Variants in TBC1D9 observed in about 807,000 individuals in gnomAD.
The protein encoded by TBC1D9 is TBC1 domain family member 9.
TBC1D9 carries 63 observed loss-of-function variants against 132.0 expected under a neutral mutation model. The ratio of observed to expected loss-of-function variants is 0.48; its 90% CI spans 0.39 to 0.59. TBC1D9 has a LOEUF of 0.59. Among genes scored for constraint, TBC1D9 ranks in the 20% least tolerant of loss-of-function variants. TBC1D9 has a pLI of 0.00. For synonymous variants in TBC1D9, 610 were observed against 609.9 expected, an observed-to-expected ratio of 1.00 and a Z score of 0.00; for missense variants, 1,261 against 1,592.7, an observed-to-expected ratio of 0.79 and a Z score of 3.54.
chr4:140,661,635 C>T (rs1227568305), intron 10 of TBC1D9, among the ~76,000 whole-genome samples: 1 of 152,176 alleles, frequency 6.6e-6, no homozygotes, highest in Non-Finnish European at 1.5e-5. Flanking sequence ...TATCTAGAGA[C>T]ATTTTTGGTT....
At chr4:140,700,271 G>C (rs1272320208) in intron 2 of TBC1D9, among the ~76,000 whole-genome samples, 1 of 152,044 alleles carries the variant, frequency 6.6e-6, no homozygotes, top group Non-Finnish European at 1.5e-5. Flanking sequence ...CCAACATGGT[G>C]AAACCTCGTC....
intron 2 of TBC1D9, among the ~76,000 whole-genome samples, chr4:140,687,772 G>C (rs1402712805): frequency 6.6e-6 from 1 of 152,068 alleles, no homozygotes; most frequent in African/African-American, 2.4e-5. Flanking sequence ...GCCTACAAGG[G>C]ATGCTTATGT....
chr4:140,635,092 G>C (rs1468213224), intron 15 of TBC1D9, among the ~76,000 whole-genome samples: 1 of 152,000 alleles, frequency 6.6e-6, no homozygotes, highest in African/African-American at 2.4e-5. Flanking sequence ...GAGAAAGGAG[G>C]AGCATAAAAA....
At chr4:140,639,540 A>G in intron 13 of TBC1D9, 112 bp from the exon 14 acceptor site, 1 of 731,462 alleles carries the variant, frequency 1.4e-6, no homozygotes, top group Admixed American at 2.2e-5. Flanking sequence ...GACTTCTCAT[A>G]TGATGGGCAT....
At chr4:140,640,862 A>AC (rs1008646356) in intron 13 of TBC1D9, among the ~76,000 whole-genome samples, 3 of 138,096 alleles carry the variant, frequency 2.2e-5, no homozygotes, top group Non-Finnish European at 4.4e-5. Context: ...TAAGTATATA[A>AC]CCCCCCCAAG....
intron 6 of TBC1D9, among the ~76,000 whole-genome samples, chr4:140,671,678 G>GTA (rs1173368399): frequency 8.2e-5 from 7 of 85,280 alleles, no homozygotes; most frequent in Non-Finnish European, 2.0e-4. Flanking sequence ...ACCAGACTGT[G>GTA]TGTGTGTGTG....
At chr4:140,723,012 A>C (rs1738447519) in intron 1 of TBC1D9, among the ~76,000 whole-genome samples, 2 of 152,118 alleles carry the variant, frequency 1.3e-5, no homozygotes, top group Non-Finnish European at 2.9e-5. Context: ...ACCTTTTCTT[A>C]GGCTATCAAA....
At chr4:140,708,763 T>C (rs905874504) in intron 1 of TBC1D9, among the ~76,000 whole-genome samples, 2 of 151,988 alleles carry the variant, frequency 1.3e-5, no homozygotes, top group Admixed American at 6.6e-5. Context: ...GGAATACAGG[T>C]GGTGGCTGTT....
At chr4:140,699,047 C>CAGCACTTCCT (rs1738022828) in intron 2 of TBC1D9, among the ~76,000 whole-genome samples, 2 of 152,218 alleles carry the variant, frequency 1.3e-5, no homozygotes, top group South Asian at 4.1e-4. Flanking sequence ...GATCCCAGCA[C>CAGCACTTCCT]AGCACTTCCT....
intron 13 of TBC1D9, chr4:140,644,458 T>A (rs1349950447): frequency 2.4e-5 from 7 of 296,988 alleles, no homozygotes; most frequent in Non-Finnish European, 4.6e-5. Flanking sequence ...GGCGGCGGGC[T>A]CACCGCCTTG....
Position 140,670,730 on chromosome 4 carries a change from G to A in TBC1D9, c.1256C>T (p.Ser419Leu). Residue 419 changes from serine (S) to leucine (L), a missense_variant, in exon 7 of 21, where the codon TCA (serine) becomes TTA (leucine). Ser to Leu is a moderately radical substitution (Grantham distance 145). Coordinates refer to ENST00000442267, the MANE Select transcript of TBC1D9 (RefSeq NM_015130.3). ...GTGTCTCCCACAGACCTCATCATCTGAACTGTTGTAACTTCCTGCAAACTC... is the reference window on the plus strand; with the variant it reads ...GTGTCTCCCACAGACCTCATCATCTAAACTGTTGTAACTTCCTGCAAACTC... ...DKEFAGSYNSSDDEVYSRPSS... is the reference protein window; with the variant it reads ...DKEFAGSYNSLDDEVYSRPSS... The A allele has an allele frequency of 6.2e-7, 1 of 1,613,572 alleles. No homozygotes were observed. Among genetic ancestry groups the A allele is most frequent in the Non-Finnish European group, 8.5e-7 (1 of 1,179,852 alleles).
rs568633484 is a variant in TBC1D9 at position 140,630,108 on chromosome 4, C to G, written c.2747-1743G>C. 4.3e-4 allele frequency among the ~76,000 whole-genome samples: 66 copies of G among 152,220 alleles called. No individual in the cohort carries two copies. The South Asian group carries it at 0.013, about 30-fold the overall frequency. On this transcript the variant is annotated intron_variant, in intron 16 of 20. Transcript: ENST00000442267. ...CCACTATTATACTACATGCAGACAT[C>G]CTAGGTAGTTCTTTAACAATTATTT...
chr4:140,728,575 C>T (rs535179955), intron 1 of TBC1D9, among the ~76,000 whole-genome samples: 1 of 152,084 alleles, frequency 6.6e-6, no homozygotes, highest in African/African-American at 2.4e-5. Context: ...CTCACTGAAA[C>T]CTTCACCTCC....
At chr4:140,730,818 G>A (rs1738578706) in intron 1 of TBC1D9, among the ~76,000 whole-genome samples, 1 of 152,198 alleles carries the variant, frequency 6.6e-6, no homozygotes, top group Non-Finnish European at 1.5e-5. Context: ...GTATGGAGCT[G>A]AGGCCCACAG....
chr4:140,694,078 A>G (rs1331020614), intron 2 of TBC1D9, among the ~76,000 whole-genome samples: 1 of 152,192 alleles, frequency 6.6e-6, no homozygotes, highest in East Asian at 1.9e-4. Flanking sequence ...TTTTAATTAT[A>G]TGTATATTCT....
chr4:140,642,582 G>A, intron 13 of TBC1D9: 1 of 941,778 alleles, frequency 1.1e-6, no homozygotes, highest in Non-Finnish European at 1.7e-6. Flanking sequence ...AACTGCTCCT[G>A]GTCGCTGTCC....
chr4:140,684,125 G>C (rs1462654774), intron 3 of TBC1D9, among the ~76,000 whole-genome samples: 1 of 152,018 alleles, frequency 6.6e-6, no homozygotes, highest in Admixed American at 6.6e-5. Context: ...GGGGAGGCCG[G>C]GCATGGTGTC....
chr4:140,646,247 G>A (rs149591728), intron 13 of TBC1D9, among the ~76,000 whole-genome samples: 1 of 152,294 alleles, frequency 6.6e-6, no homozygotes, highest in African/African-American at 2.4e-5. Context: ...AGTCTACACA[G>A]CTGGTAAGCA....
intron 6 of TBC1D9, 133 bp downstream of exon 6, chr4:140,676,761 G>T: frequency 8.2e-7 from 1 of 1,213,122 alleles, no homozygotes; most frequent in Non-Finnish European, 1.1e-6. Context: ...ATGAAAGAAT[G>T]CAGGTGCCAC....
Sources: gnomAD v4.1 joint callset for allele counts (sites outside exome capture counted in the v4.1 genomes callset) on GRCh38, gnomAD v4.1.1 for gene constraint, MANE v1.5 for transcripts, NCBI Gene and HGNC (gene_info 2026-07-23, HGNC 2026-07-21) for gene names.